The following SMARCC1 variants were observed in gnomAD, a reference collection of about 807,000 sequenced individuals.
SMARCC1 encodes SWI/SNF related BAF chromatin remodeling complex subunit C1, also known as SWI/SNF complex subunit SMARCC1.
Under a neutral mutation model 147.4 loss-of-function variants are expected in SMARCC1, and 43 were observed. The ratio of observed to expected loss-of-function variants is 0.29; its 90% CI spans 0.23 to 0.38. SMARCC1 has a LOEUF of 0.38. Ranked by LOEUF, SMARCC1 falls within the 10% of genes least tolerant of loss-of-function variation. The pLI, the probability that SMARCC1 is intolerant of heterozygous loss-of-function variation, is 1.00. For synonymous variants in SMARCC1, 495 were observed against 484.4 expected, an observed-to-expected ratio of 1.02 and a Z score of -0.29; for missense variants, 1,119 against 1,381.1, an observed-to-expected ratio of 0.81 and a Z score of 3.01.
rs12636572 is a variant in SMARCC1 at position 47,673,399 on chromosome 3, T to A, written c.1839+2076A>T. The stretch of plus-strand genomic sequence containing the variant: ...AGACTCTGTCTCAAAAAAAAAAGGG[T>A]GGGGGGGGGGCAGGCCAGTGGCTCA... On this transcript the variant is annotated intron_variant, in intron 18 of 27. Coordinates refer to ENST00000254480, the MANE Select transcript of SMARCC1 (RefSeq NM_003074.4). 6.4e-5 allele frequency among the ~76,000 whole-genome samples: 3 copies of A among 47,006 alleles called. 1 individual carries two copies. Among genetic ancestry groups the A allele is most frequent in the African/African-American group, 1.3e-4 (2 of 14,976 alleles). The allele number at this position is 47,006 out of a possible 152,430, so 30.8% of individuals were successfully genotyped here.
At chr3:47,749,690 C>CACACACACACACACACACACACAT (rs1559662216) in intron 2 of SMARCC1, among the ~76,000 whole-genome samples, 1 of 148,872 alleles carries the variant, frequency 6.7e-6, no homozygotes. Flanking sequence ...CACACACACA[C>CACACACACACACACACACACACAT]AAAGTGAGAC....
At chr3:47,707,751 C>T (rs1352666404) in intron 9 of SMARCC1, among the ~76,000 whole-genome samples, 1 of 151,974 alleles carries the variant, frequency 6.6e-6, no homozygotes, top group East Asian at 1.9e-4. Flanking sequence ...TAGGGGTGTG[C>T]GTCTGTGGCC....
intron 27 of SMARCC1, 55 bp from the exon 28 acceptor site, chr3:47,588,361 A>G (rs1242584583): frequency 1.3e-6 from 2 of 1,523,102 alleles, no homozygotes; most frequent in Non-Finnish European, 1.8e-6. Context: ...GAGACTCAGG[A>G]AAGAGCCTAT....
intron 8 of SMARCC1, among the ~76,000 whole-genome samples, chr3:47,713,597 AT>A (rs879271195): frequency 5.5e-4 from 80 of 146,050 alleles, no homozygotes; most frequent in Non-Finnish European, 5.8e-4. Context: ...TGCTCAGATA[AT>A]TTTTTTTTTT....
chr3:47,683,016 T>C (rs1233282498), intron 14 of SMARCC1, among the ~76,000 whole-genome samples: 57 of 152,190 alleles, frequency 3.7e-4, no homozygotes, highest in Admixed American at 3.7e-3. Flanking sequence ...ACTGAAAACA[T>C]CCAGAAATAG....
Position 47,781,754 on chromosome 3 carries a change from C to T in SMARCC1, c.44G>A (p.Gly15Asp), listed in dbSNP as rs557587582. 2.0e-6 allele frequency: 3 copies of T among 1,520,374 alleles called. No individual in the cohort carries two copies. The East Asian group carries it at 8.5e-5, about 43-fold the overall frequency. 94.2% of individuals were successfully genotyped at this position (1,520,374 alleles called of 1,614,324 possible). A position where few individuals can be genotyped will look rare whatever the true frequency, so the allele number is the denominator to read the frequency against. Reference sequence around the variant, plus strand: ...CGCCGCAATCCCCGAGCCCGTGGCGCCTACCGCTGTCCCCGGCCCGCCGCC... The same window carrying T: ...CGCCGCAATCCCCGAGCCCGTGGCGTCTACCGCTGTCCCCGGCCCGCCGCC... ...AGGGGPGTAV[G>D]ATGSGIAAAA... is the part of the protein sequence containing the mutation. Residue 15 changes from glycine (G) to aspartate (D), a missense_variant, in exon 1 of 28, where the codon GGC becomes GAC. Transcript: ENST00000254480.
intron 7 of SMARCC1, among the ~76,000 whole-genome samples, chr3:47,716,685 T>C: frequency 6.6e-6 from 1 of 152,220 alleles, no homozygotes; most frequent in East Asian, 1.9e-4. Flanking sequence ...AATTTAAGTT[T>C]CCATTGAAGG....
chr3:47,599,296 T>C (rs555747016), intron 26 of SMARCC1, among the ~76,000 whole-genome samples: 4 of 152,106 alleles, frequency 2.6e-5, no homozygotes, highest in Admixed American at 2.0e-4. Context: ...GGCAAGAGAA[T>C]CACTTGAACC....
At chr3:47,716,816 A>G (rs2034161669) in intron 7 of SMARCC1, among the ~76,000 whole-genome samples, 1 of 152,224 alleles carries the variant, frequency 6.6e-6, no homozygotes, top group Non-Finnish European at 1.5e-5. Context: ...AACTTATTCA[A>G]ATGATGTTTT....
At chr3:47,607,345 A>G (rs1290860100) in intron 26 of SMARCC1, among the ~76,000 whole-genome samples, 1 of 152,232 alleles carries the variant, frequency 6.6e-6, no homozygotes, top group East Asian at 1.9e-4. Flanking sequence ...GGTAAAGTCA[A>G]TAAAAACTAC....
chr3:47,714,323 A>G (rs1401083531), intron 8 of SMARCC1, 92 bp downstream of exon 8: 2 of 743,266 alleles, frequency 2.7e-6, no homozygotes, highest in Admixed American at 2.3e-5. Flanking sequence ...AGATCGCACC[A>G]CTCCACTCTA....
At chr3:47,712,199 T>G (rs2034091936) in intron 8 of SMARCC1, among the ~76,000 whole-genome samples, 1 of 151,994 alleles carries the variant, frequency 6.6e-6, no homozygotes, top group African/African-American at 2.4e-5. Flanking sequence ...GCCATTGCAC[T>G]CCAGCCTGGG....
chr3:47,616,214 C>T (rs753223265), intron 25 of SMARCC1, among the ~76,000 whole-genome samples: 11 of 152,286 alleles, frequency 7.2e-5, no homozygotes, highest in Non-Finnish European at 1.3e-4. Context: ...GCTCTGTTGA[C>T]GGCTGTGTGC....
intron 15 of SMARCC1, among the ~76,000 whole-genome samples, chr3:47,679,590 G>A (rs553352368): frequency 6.6e-6 from 1 of 152,288 alleles, no homozygotes; most frequent in South Asian, 2.1e-4. Flanking sequence ...GGCCGGGCTT[G>A]GTGGCTCACG....
At chr3:47,616,342 T>C (rs1389349002) in intron 25 of SMARCC1, among the ~76,000 whole-genome samples, 2 of 152,196 alleles carry the variant, frequency 1.3e-5, no homozygotes, top group East Asian at 3.8e-4. Flanking sequence ...CCTGATATAC[T>C]CTGTAACTTC....
chr3:47,752,200 G>C (rs1427720243), intron 2 of SMARCC1, among the ~76,000 whole-genome samples: 1 of 152,154 alleles, frequency 6.6e-6, no homozygotes, highest in Non-Finnish European at 1.5e-5. Context: ...AAATGGATTT[G>C]GGATAGAAAC....
At chr3:47,713,205 C>T (rs2034111340) in intron 8 of SMARCC1, among the ~76,000 whole-genome samples, 1 of 151,826 alleles carries the variant, frequency 6.6e-6, no homozygotes, top group Non-Finnish European at 1.5e-5. Flanking sequence ...CCTGTAATCC[C>T]AGCTACTCAG....
chr3:47,670,515 T>TCAGGTA (rs2106747830), intron 19 of SMARCC1, 143 bp downstream of exon 19: 5 of 637,456 alleles, frequency 7.8e-6, no homozygotes, highest in Non-Finnish European at 1.1e-5. Flanking sequence ...GCCTGGGAGG[T>TCAGGTA]AGAGGCTGCA....
At chr3:47,756,045 A>G (rs926351461) in intron 2 of SMARCC1, among the ~76,000 whole-genome samples, 1 of 148,436 alleles carries the variant, frequency 6.7e-6, no homozygotes, top group Non-Finnish European at 1.5e-5. Context: ...GCGGGCGCCT[A>G]TAATCCCAGC....
Sources: allele counts gnomAD v4.1 joint callset (sites outside exome capture counted in the v4.1 genomes callset), GRCh38; gene constraint gnomAD v4.1.1; transcripts MANE v1.5; gene names NCBI Gene and HGNC (gene_info 2026-07-23, HGNC 2026-07-21).